EPHA3: variants seen among roughly 807,000 people sequenced by gnomAD.
EPHA3 encodes the protein EPH receptor A3.
Under a neutral mutation model 107.1 loss-of-function variants are expected in EPHA3, and 42 were observed. The observed-to-expected ratio is 0.39, with a 90% CI of 0.31 to 0.51. The LOEUF (loss-of-function observed/expected upper bound fraction) is 0.51, where lower values mean the gene tolerates loss of function less well. EPHA3 is among the 20% of genes least tolerant of loss of function. The pLI, the probability that EPHA3 is intolerant of heterozygous loss-of-function variation, is 0.78. For synonymous variants in EPHA3, 461 were observed against 424.8 expected, an observed-to-expected ratio of 1.09 and a Z score of -1.05; for missense variants, 1,183 against 1,211.2, an observed-to-expected ratio of 0.98 and a Z score of 0.35.
intron 3 of EPHA3, among the ~76,000 whole-genome samples, chr3:89,214,344 G>T (rs775068643): frequency 1.4e-4 from 21 of 151,976 alleles, no homozygotes; most frequent in Admixed American, 7.2e-4. Flanking sequence ...CTAGACACAA[G>T]GTATTTGAAC....
intron 3 of EPHA3, among the ~76,000 whole-genome samples, chr3:89,298,934 G>A (rs1329212510): frequency 6.6e-6 from 1 of 151,982 alleles, no homozygotes; most frequent in Non-Finnish European, 1.5e-5. Flanking sequence ...GATAATACAG[G>A]AAAACTCTTG....
At chr3:89,123,254 C>T (rs958030544) in intron 1 of EPHA3, among the ~76,000 whole-genome samples, 3 of 152,214 alleles carry the variant, frequency 2.0e-5, no homozygotes, top group African/African-American at 7.2e-5. Context: ...AGCGATTCTC[C>T]TGCCTCAGCC....
chr3:89,130,758 C>A (rs1330567530), intron 2 of EPHA3, among the ~76,000 whole-genome samples: 1 of 152,220 alleles, frequency 6.6e-6, no homozygotes, highest in East Asian at 1.9e-4. Context: ...CCTCAGCCTC[C>A]CGAGTAGTTG....
chr3:89,472,689 T>G, intron 16 of EPHA3, 70 bp downstream of exon 16: 1 of 873,164 alleles, frequency 1.1e-6, no homozygotes. Flanking sequence ...CATGAAAGAT[T>G]TGTAACATCT....
intron 2 of EPHA3, among the ~76,000 whole-genome samples, chr3:89,140,455 A>T (rs977421252): frequency 6.6e-6 from 1 of 151,732 alleles, no homozygotes; most frequent in Non-Finnish European, 1.5e-5. Context: ...CACTAAATAC[A>T]TGTTGTTCAT....
In EPHA3 at chr3:89,395,803, C is replaced by G. The variant is rs113352734; in HGVS notation, c.1307-34C>G. The stretch of plus-strand genomic sequence containing the variant: ...CCCTTTCTAACCCATTAATTTGCTT[C>G]CTTCCACCTTCCCCTCCCATCCTCT... On this transcript the variant is annotated intron_variant, in intron 5 of 16. Transcript: ENST00000336596. The G allele has an allele frequency of 2.0e-3, 3,298 of 1,611,274 alleles. 63 individuals are homozygous for G. The African/African-American group carries it at 0.04, about 19-fold the overall frequency.
At chr3:89,295,393 G>GCAA (rs1706323036) in intron 3 of EPHA3, among the ~76,000 whole-genome samples, 1 of 151,890 alleles carries the variant, frequency 6.6e-6, no homozygotes, top group African/African-American at 2.4e-5. Context: ...GCACCCTTCA[G>GCAA]CTGTGGCAAT....
At chr3:89,435,442 AAT>A (rs1553693693) in intron 13 of EPHA3, among the ~76,000 whole-genome samples, 2 of 145,628 alleles carry the variant, frequency 1.4e-5, no homozygotes, top group Admixed American at 7.0e-5. Context: ...TCTGTTAAAA[AAT>A]ATATATATAT....
At chr3:89,178,245 CCAA>C (rs1705360671) in intron 2 of EPHA3, among the ~76,000 whole-genome samples, 1 of 105,042 alleles carries the variant, frequency 9.5e-6, no homozygotes, top group Admixed American at 1.2e-4. Flanking sequence ...ACATATGTAG[CCAA>C]TAGATAGATA....
At chr3:89,384,523 C>T (rs542797369) in intron 5 of EPHA3, among the ~76,000 whole-genome samples, 7 of 152,054 alleles carry the variant, frequency 4.6e-5, no homozygotes, top group African/African-American at 1.4e-4. Context: ...TTTTCTAAAA[C>T]GTTTAGGCTC....
At chr3:89,154,204 TC>T (rs1704746569) in intron 2 of EPHA3, among the ~76,000 whole-genome samples, 1 of 152,010 alleles carries the variant, frequency 6.6e-6, no homozygotes, top group Non-Finnish European at 1.5e-5. Flanking sequence ...ATTATTTATA[TC>T]CCCTTTCCTT....
intron 2 of EPHA3, among the ~76,000 whole-genome samples, chr3:89,170,437 G>T (rs569209182): frequency 2.6e-5 from 4 of 152,246 alleles, no homozygotes; most frequent in African/African-American, 9.6e-5. Flanking sequence ...AGGACACTTA[G>T]CCTGGCTCTC....
intron 2 of EPHA3, among the ~76,000 whole-genome samples, chr3:89,173,780 T>C (rs574899817): frequency 1.3e-5 from 2 of 152,060 alleles, no homozygotes; most frequent in Non-Finnish European, 2.9e-5. Context: ...TCTTGAGAAC[T>C]AAAACAATGT....
At chr3:89,242,566 C>T (rs552248801) in intron 3 of EPHA3, among the ~76,000 whole-genome samples, 7 of 151,712 alleles carry the variant, frequency 4.6e-5, no homozygotes, top group African/African-American at 1.7e-4. Flanking sequence ...GCCTCCCCAG[C>T]AGCTGGGACT....
At chr3:89,150,024 A>T (rs1704655221) in intron 2 of EPHA3, among the ~76,000 whole-genome samples, 3 of 151,980 alleles carry the variant, frequency 2.0e-5, no homozygotes. Flanking sequence ...ACCCTTAAGC[A>T]GTAGTTGTTT....
At chr3:89,172,853 A>C (rs1256934996) in intron 2 of EPHA3, among the ~76,000 whole-genome samples, 1 of 152,182 alleles carries the variant, frequency 6.6e-6, no homozygotes, top group African/African-American at 2.4e-5. Flanking sequence ...AATAAAAATA[A>C]AGGAAAATAC....
At chr3:89,227,412 C>A (rs1162168377) in intron 3 of EPHA3, among the ~76,000 whole-genome samples, 1 of 151,974 alleles carries the variant, frequency 6.6e-6, no homozygotes, top group African/African-American at 2.4e-5. Context: ...ACTTGCAGGT[C>A]TCTAATCCCT....
Position 89,209,919 on chromosome 3 carries a change from C to A in EPHA3, c.213C>A (p.Cys71Ter). 1 of 1,613,446 alleles carries A rather than the reference C, an allele frequency of 6.2e-7. No homozygotes were observed. The highest frequency in any genetic ancestry group is 8.5e-7 in the Non-Finnish European group (1 of 1,179,674). The stretch of plus-strand genomic sequence containing the variant: ...CACCCATCAGGACTTACCAGGTGTG[C>A]AATGTCATGGACCACAGTCAAAACA... ...HYTPIRTYQVCNVMDHSQNNW... is the reference protein window; with the variant it reads ...HYTPIRTYQV The change falls in exon 3 of 17, where the codon TGC (cysteine) becomes TGA (stop). Residue 71 changes from cysteine to a stop codon, truncating the protein, a stop_gained. Transcript: ENST00000336596. LOFTEE classifies it high-confidence loss of function.
At chr3:89,476,252 G>A (rs1475154993) in intron 16 of EPHA3, among the ~76,000 whole-genome samples, 1 of 146,246 alleles carries the variant, frequency 6.8e-6, no homozygotes, top group Non-Finnish European at 1.5e-5. Flanking sequence ...GCTTATATTG[G>A]GTTCACAGAT....
Sources: allele counts gnomAD v4.1 joint callset (sites outside exome capture counted in the v4.1 genomes callset), GRCh38; gene constraint gnomAD v4.1.1; transcripts MANE v1.5; gene names NCBI Gene and HGNC (gene_info 2026-07-23, HGNC 2026-07-21).